The following ATRNL1 variants were observed in gnomAD, a reference collection of about 807,000 sequenced individuals.
The protein encoded by ATRNL1 is attractin like 1.
A neutral mutation model predicts 182.7 loss-of-function variants in ATRNL1; 95 were observed. That is an observed-to-expected ratio of 0.52 (90% CI 0.44 to 0.62). The LOEUF is 0.62. ATRNL1 is among the 20% of genes least tolerant of loss of function. The pLI is 0.00. For synonymous variants in ATRNL1, 576 were observed against 568.3 expected, an observed-to-expected ratio of 1.01 and a Z score of -0.19; for missense variants, 1,471 against 1,679.5, an observed-to-expected ratio of 0.88 and a Z score of 2.17.
chr10:115,453,373 G>T (rs1847368659), intron 21 of ATRNL1, among the ~76,000 whole-genome samples: 1 of 151,900 alleles, frequency 6.6e-6, no homozygotes, highest in African/African-American at 2.4e-5. Flanking sequence ...AGTTTTAATT[G>T]GGTTGTTTAC....
At chr10:115,408,194 G>A (rs1247253348) in intron 20 of ATRNL1, among the ~76,000 whole-genome samples, 1 of 151,124 alleles carries the variant, frequency 6.6e-6, no homozygotes, top group African/African-American at 2.4e-5. Flanking sequence ...TAGTAGAGAC[G>A]GGGTTTCACC....
chr10:115,329,568 T>G (rs1855101316), intron 18 of ATRNL1, among the ~76,000 whole-genome samples: 1 of 152,154 alleles, frequency 6.6e-6, no homozygotes, highest in South Asian at 2.1e-4. Flanking sequence ...TACTCCAATG[T>G]GCATTCCATA....
intron 1 of ATRNL1, among the ~76,000 whole-genome samples, chr10:115,099,354 A>C (rs782504757): frequency 1.3e-5 from 2 of 152,168 alleles, no homozygotes; most frequent in Non-Finnish European, 2.9e-5. Context: ...GATTGTTTCA[A>C]ATTTTTGGCT....
At chr10:115,918,312 G>C (rs997340512) in intron 28 of ATRNL1, among the ~76,000 whole-genome samples, 1 of 151,882 alleles carries the variant, frequency 6.6e-6, no homozygotes, top group African/African-American at 2.4e-5. Flanking sequence ...CATGTTGGCC[G>C]GGCTGGTCTT....
Position 115,215,837 on chromosome 10 carries a change from T to A in ATRNL1, c.1489T>A (p.Leu497Met), listed in dbSNP as rs1469993854. 6.3e-7 allele frequency: 1 copy of A among 1,594,352 alleles called. No individual in the cohort carries two copies. The highest frequency in any genetic ancestry group is 8.5e-7 in the Non-Finnish European group (1 of 1,173,522). ...AGCATTGCCAGGGAACAAATATGGA[T>A]TGGTTGATGATCTTTATAAATATGA... is the stretch of plus-strand genomic sequence containing the variant. ...YKALPGNKYG[L>M]VDDLYKYEVN... is the part of the protein sequence containing the mutation. The change falls in exon 9 of 29, where the codon TTG becomes ATG. Residue 497 changes from leucine (L) to methionine (M), a missense_variant. Transcript: ENST00000355044.
intron 6 of ATRNL1, among the ~76,000 whole-genome samples, chr10:115,164,598 T>C: frequency 6.6e-6 from 1 of 152,082 alleles, no homozygotes; most frequent in East Asian, 1.9e-4. Flanking sequence ...AACTGATAAA[T>C]TGATAAAGAA....
chr10:115,215,047 T>C (rs11819446), intron 8 of ATRNL1, among the ~76,000 whole-genome samples: 3,789 of 152,288 alleles, frequency 0.025, 157 homozygotes, highest in African/African-American at 0.086. Flanking sequence ...CTGCCATTAC[T>C]TACTGTAATT....
chr10:115,883,128 G>A (rs1433516750), intron 28 of ATRNL1, among the ~76,000 whole-genome samples: 2 of 152,172 alleles, frequency 1.3e-5, no homozygotes, highest in East Asian at 1.9e-4. Flanking sequence ...GATGGTAGGA[G>A]TGCATCTTCT....
At chr10:115,598,658 T>TA (rs67990310) in intron 26 of ATRNL1, among the ~76,000 whole-genome samples, 2 of 152,036 alleles carry the variant, frequency 1.3e-5, no homozygotes, top group East Asian at 3.9e-4. Flanking sequence ...GAAAAACCCA[T>TA]TCCTATTATA....
At chr10:115,449,231 C>A (rs1592675040) in intron 21 of ATRNL1, among the ~76,000 whole-genome samples, 1 of 152,128 alleles carries the variant, frequency 6.6e-6, no homozygotes, top group African/African-American at 2.4e-5. Flanking sequence ...AGAGGTGCTG[C>A]AGAAAAGGAG....
At chr10:115,141,328 A>G (rs868919856) in intron 5 of ATRNL1, among the ~76,000 whole-genome samples, 1 of 152,166 alleles carries the variant, frequency 6.6e-6, no homozygotes, top group South Asian at 2.1e-4. Context: ...TTACTTCTGA[A>G]CATTGAGATA....
chr10:115,547,645 C>A (rs73373385), intron 25 of ATRNL1, among the ~76,000 whole-genome samples: 7,439 of 151,862 alleles, frequency 0.049, 549 homozygotes, highest in African/African-American at 0.17. Context: ...TGGAATGTAA[C>A]CTATATTCAT....
At chr10:115,582,229 G>A (rs1217470243) in intron 26 of ATRNL1, among the ~76,000 whole-genome samples, 1 of 103,750 alleles carries the variant, frequency 9.6e-6, no homozygotes, top group Non-Finnish European at 2.2e-5. Flanking sequence ...CTTTATAGCA[G>A]CATGATTTAT....
intron 19 of ATRNL1, among the ~76,000 whole-genome samples, chr10:115,394,106 A>G (rs1221630121): frequency 2.0e-5 from 3 of 152,042 alleles, no homozygotes; most frequent in African/African-American, 7.2e-5. Flanking sequence ...ACCAGTAGTA[A>G]TAACAGTGGA....
chr10:115,635,309 G>C (rs1271326843), intron 26 of ATRNL1, among the ~76,000 whole-genome samples: 1 of 148,704 alleles, frequency 6.7e-6, no homozygotes, highest in African/African-American at 2.5e-5. Flanking sequence ...AACAGAGTGG[G>C]AAAAGTGGTA....
chr10:115,345,257 C>T (rs1855924590), intron 19 of ATRNL1, among the ~76,000 whole-genome samples: 1 of 152,216 alleles, frequency 6.6e-6, no homozygotes, highest in Non-Finnish European at 1.5e-5. Flanking sequence ...GTGGTGAGGT[C>T]AGTGGGAACT....
chr10:115,697,627 A>G (rs1394784141), intron 26 of ATRNL1, among the ~76,000 whole-genome samples: 1 of 152,046 alleles, frequency 6.6e-6, no homozygotes, highest in African/African-American at 2.4e-5. Flanking sequence ...TACCTGGCCT[A>G]TTTTTTTAAT....
At chr10:115,300,622 G>A (rs189510962) in intron 16 of ATRNL1, among the ~76,000 whole-genome samples, 1 of 152,154 alleles carries the variant, frequency 6.6e-6, no homozygotes, top group African/African-American at 2.4e-5. Flanking sequence ...CAGTTATCAA[G>A]TAAAAAGAAA....
Position 115,132,023 on chromosome 10 carries a change from T to C in ATRNL1, c.829+2488T>C, listed in dbSNP as rs1256839465. Reference sequence around the variant, plus strand: ...GTATACATGTGCCATGTTGGGGTGCTGCACCCATTAACACGTCACTTACAT... The same window carrying C: ...GTATACATGTGCCATGTTGGGGTGCCGCACCCATTAACACGTCACTTACAT... On this transcript the variant is annotated intron_variant, in intron 5 of 28. Coordinates refer to ENST00000355044, the MANE Select transcript of ATRNL1 (RefSeq NM_207303.4). 2.6e-5 allele frequency among the ~76,000 whole-genome samples: 4 copies of C among 152,168 alleles called. No homozygotes were observed. In the East Asian group the frequency reaches 7.7e-4, roughly 29 times the overall value.
Sources: allele counts gnomAD v4.1 joint callset (sites outside exome capture counted in the v4.1 genomes callset), GRCh38; gene constraint gnomAD v4.1.1; transcripts MANE v1.5; gene names NCBI Gene and HGNC (gene_info 2026-07-23, HGNC 2026-07-21).